The following TTC3 variants were observed in gnomAD, a reference collection of about 807,000 sequenced individuals.
TTC3 encodes the protein E3 ubiquitin-protein ligase TTC3.
Under a neutral mutation model 249.6 loss-of-function variants are expected in TTC3, and 180 were observed. The observed-to-expected ratio is 0.72, with a 90% CI of 0.64 to 0.82. The LOEUF is 0.82. Ranked by LOEUF, TTC3 falls within the 40% of genes least tolerant of loss-of-function variation. TTC3 has a pLI of 0.00. For missense variants in TTC3, 2,061 were observed against 2,398.4 expected (o/e 0.86, Z 2.94); for synonymous variants, 717 against 805.0 (o/e 0.89, Z 1.85).
chr21:37,202,215 T>C (rs1167049913), exon 46 of TTC3: 2 of 152,260 alleles, frequency 1.3e-5, no homozygotes, highest in Admixed American at 6.5e-5. Flanking sequence ...TAGATTGTTT[T>C]AAGTGTTTGC....
chr21:37,090,393 G>C (rs1416364729), intron 6 of TTC3, 107 bp downstream of exon 6: 4 of 1,105,616 alleles, frequency 3.6e-6, no homozygotes, highest in Non-Finnish European at 5.2e-6. Context: ...TTCTATATGT[G>C]GTATTTGGTA....
Position 37,185,693 on chromosome 21 carries a change from T to C in TTC3, c.4758-13T>C. 1 of 1,512,770 alleles carries C rather than the reference T, an allele frequency of 6.6e-7. No homozygotes were observed. The allele number at this position is 1,512,770 out of a possible 1,614,324, so 93.7% of individuals were successfully genotyped here. On this transcript the variant is annotated splice_polypyrimidine_tract_variant and intron_variant, in intron 36 of 45. Transcript: ENST00000355666. ...TCAAAATTAATTAATATTTGGTGATTATGCTTTTATAGGTATACCCAGAAA... is the reference window on the plus strand; with the variant it reads ...TCAAAATTAATTAATATTTGGTGATCATGCTTTTATAGGTATACCCAGAAA...
chr21:37,200,323 G>A, exon 45 of TTC3: 1 of 1,614,024 alleles, frequency 6.2e-7, no homozygotes, highest in Non-Finnish European at 8.5e-7. Context: ...TATCACAAAG[G>A]GGTAAGAGCT....
intron 34 of TTC3, among the ~76,000 whole-genome samples, chr21:37,171,978 A>G (rs1182923334): frequency 6.6e-6 from 1 of 152,234 alleles, no homozygotes; most frequent in Admixed American, 6.5e-5. Flanking sequence ...CATCAAACAG[A>G]TGCTCTTTCA....
At chr21:37,175,481 C>T (rs988988151) in intron 35 of TTC3, among the ~76,000 whole-genome samples, 3 of 150,248 alleles carry the variant, frequency 2.0e-5, no homozygotes, top group Non-Finnish European at 4.4e-5. Context: ...CCTGTAATCC[C>T]AGCTACTCGG....
At chr21:37,103,225 TTA>T (rs1177207765) in intron 10 of TTC3, among the ~76,000 whole-genome samples, 1 of 152,204 alleles carries the variant, frequency 6.6e-6, no homozygotes, top group Non-Finnish European at 1.5e-5. Flanking sequence ...GTAGCATATT[TTA>T]TATGCAGTAA....
exon 35 of TTC3, chr21:37,172,641 A>G: frequency 6.2e-7 from 1 of 1,614,006 alleles, no homozygotes; most frequent in Non-Finnish European, 8.5e-7. Flanking sequence ...TTACAAGACC[A>G]ACTTCAAGAA....
intron 1 of TTC3, among the ~76,000 whole-genome samples, chr21:37,078,381 T>C (rs1307192030): frequency 1.3e-5 from 2 of 152,164 alleles, no homozygotes; most frequent in Admixed American, 1.3e-4. Context: ...TTGAATCAGT[T>C]TGGGGGAGAA....
exon 32 of TTC3, chr21:37,164,091 G>C (rs1422830854): frequency 6.2e-7 from 1 of 1,612,258 alleles, no homozygotes; most frequent in African/African-American, 1.3e-5. Context: ...TGCAGTGCCT[G>C]ACCATCTTCG....
At chr21:37,125,336 A>G (rs1167678002) in intron 14 of TTC3, among the ~76,000 whole-genome samples, 1 of 152,198 alleles carries the variant, frequency 6.6e-6, no homozygotes, top group Non-Finnish European at 1.5e-5. Flanking sequence ...CCAAACACAA[A>G]TGCTGTATCC....
chr21:37,153,240 C>T (rs1400764568), exon 27 of TTC3: 4 of 1,613,406 alleles, frequency 2.5e-6, no homozygotes, highest in Non-Finnish European at 3.4e-6. Context: ...AAGTGGAGCC[C>T]AAATTAGCCG....
At chr21:37,075,877 T>A (rs2070773082) in intron 1 of TTC3, among the ~76,000 whole-genome samples, 1 of 151,926 alleles carries the variant, frequency 6.6e-6, no homozygotes, top group Admixed American at 6.6e-5. Flanking sequence ...ATTAAAAGTA[T>A]TTTTTTTCTT....
chr21:37,156,532 A>C lies in TTC3; in HGVS notation c.2741-123A>C, dbSNP rs1453992918. The C allele has an allele frequency of 2.5e-6, 3 of 1,217,728 alleles. No homozygotes were observed. The African/African-American group carries it at 4.6e-5, about 18-fold the overall frequency. The allele number at this position is 1,217,728 out of a possible 1,614,324, so 75.4% of individuals were successfully genotyped here. Reference sequence around the variant, plus strand: ...TGAACGAATCTGTTCTCAACTATTTAAATGTTTTTGCTGAGAATATAAGCA... The same window carrying C: ...TGAACGAATCTGTTCTCAACTATTTCAATGTTTTTGCTGAGAATATAAGCA... On this transcript the variant is annotated intron_variant, in intron 27 of 45. Transcript: ENST00000355666.
At position 37,127,284 on chromosome 21, in the gene TTC3, C is replaced by T. The variant is rs550903517; in HGVS notation, c.1297+1141C>T. Among the ~76,000 whole-genome samples, 5 of 152,218 alleles carry T rather than the reference C, an allele frequency of 3.3e-5. No individual in the cohort carries two copies. In the Middle Eastern group the frequency reaches 0.01, roughly 311 times the overall value. ...TTGGTTTTCAACATGTGAATCTTGT[C>T]GGGGACACAGATATCCAGACCATAA... On this transcript the variant is annotated intron_variant, in intron 15 of 45. Coordinates refer to ENST00000355666, the Ensembl canonical transcript of TTC3.
chr21:37,157,663 G>T (rs533215770), intron 28 of TTC3, among the ~76,000 whole-genome samples: 1 of 152,224 alleles, frequency 6.6e-6, no homozygotes, highest in South Asian at 2.1e-4. Flanking sequence ...TAGAAAGCTG[G>T]GTGTCAGGGC....
At chr21:37,169,591 C>G (rs913943012) in intron 34 of TTC3, among the ~76,000 whole-genome samples, 2 of 151,702 alleles carry the variant, frequency 1.3e-5, no homozygotes, top group Non-Finnish European at 1.5e-5. Flanking sequence ...TGGCTCATGC[C>G]TGTAATCCCA....
intron 31 of TTC3, among the ~76,000 whole-genome samples, chr21:37,163,634 G>A (rs2148066620): frequency 6.6e-6 from 1 of 152,238 alleles, no homozygotes; most frequent in East Asian, 1.9e-4. Flanking sequence ...ACAGGCGTGA[G>A]CCACCACACC....
At chr21:37,075,317 G>A (rs2070696442) in intron 1 of TTC3, among the ~76,000 whole-genome samples, 1 of 152,138 alleles carries the variant, frequency 6.6e-6, no homozygotes, top group Admixed American at 6.5e-5. Context: ...CCTGTTGATA[G>A]ACTTTGAACT....
chr21:37,095,344 T>C lies in TTC3; in HGVS notation c.688-6T>C, dbSNP rs143762501. On this transcript the variant is annotated splice_polypyrimidine_tract_variant and splice_region_variant and intron_variant, in intron 8 of 45. Transcript: ENST00000355666. ...TGATGGGTCTTCTTTCACCTTGGTT[T>C]CTCAGGAAGGAGAACTAATGAAAAT... 3.6e-4 allele frequency: 569 copies of C among 1,592,128 alleles called. 3 individuals carry two copies. In the African/African-American group the frequency reaches 5.6e-3, roughly 16 times the overall value.
Sources: allele counts gnomAD v4.1 joint callset (sites outside exome capture counted in the v4.1 genomes callset), GRCh38; gene constraint gnomAD v4.1.1; transcripts MANE v1.5; gene names NCBI Gene and HGNC (gene_info 2026-07-23, HGNC 2026-07-21).